The following ZCWPW2 variants were observed in gnomAD, a reference collection of about 807,000 sequenced individuals.
ZCWPW2 encodes the protein zinc finger CW-type PWWP domain protein 2.
ZCWPW2 carries 45 observed loss-of-function variants against 46.6 expected under a neutral mutation model. The observed-to-expected ratio is 0.96, with a 90% CI of 0.76 to 1.24. The LOEUF (loss-of-function observed/expected upper bound fraction) is 1.24, where lower values mean the gene tolerates loss of function less well. Ranked by LOEUF, ZCWPW2 falls within the 50% of genes most tolerant of loss-of-function variation. ZCWPW2 has a pLI of 0.00. For synonymous variants in ZCWPW2, 152 were observed against 137.1 expected, an observed-to-expected ratio of 1.11 and a Z score of -0.76; for missense variants, 429 against 403.9, an observed-to-expected ratio of 1.06 and a Z score of -0.53.
chr3:28,349,476 A>AG (rs1331180095), intron 1 of ZCWPW2, among the ~76,000 whole-genome samples: 1 of 152,152 alleles, frequency 6.6e-6, no homozygotes, highest in Non-Finnish European at 1.5e-5. Context: ...CGAATTGCGT[A>AG]GGGGTCTGTA....
At chr3:28,408,851 C>A (rs563520273) in intron 2 of ZCWPW2, among the ~76,000 whole-genome samples, 14 of 152,228 alleles carry the variant, frequency 9.2e-5, no homozygotes, top group Middle Eastern at 3.4e-3. Flanking sequence ...CTGTCAATAC[C>A]TGCTTTAGAC....
intron 4 of ZCWPW2, among the ~76,000 whole-genome samples, chr3:28,455,184 G>T (rs569375495): frequency 1.2e-4 from 18 of 152,234 alleles, no homozygotes; most frequent in African/African-American, 4.3e-4. Flanking sequence ...ATTCTGACTG[G>T]TGTGAGATGG....
intron 4 of ZCWPW2, among the ~76,000 whole-genome samples, chr3:28,470,232 C>T (rs558629507): frequency 5.0e-4 from 76 of 152,220 alleles, no homozygotes; most frequent in African/African-American, 1.7e-3. Context: ...CAGTGGCTCG[C>T]GCCTGTAATC....
At chr3:28,378,893 A>G (rs1242524469) in intron 1 of ZCWPW2, among the ~76,000 whole-genome samples, 1 of 152,138 alleles carries the variant, frequency 6.6e-6, no homozygotes, top group African/African-American at 2.4e-5. Context: ...ACAATGTGTT[A>G]AGTGGTATGC....
At chr3:28,516,699 G>A (rs760353888) in intron 8 of ZCWPW2, among the ~76,000 whole-genome samples, 1 of 151,988 alleles carries the variant, frequency 6.6e-6, no homozygotes, top group African/African-American at 2.4e-5. Context: ...TAAGTCAGTC[G>A]TTGTAGTCTT....
intron 3 of ZCWPW2, among the ~76,000 whole-genome samples, chr3:28,420,833 G>C (rs1454982053): frequency 6.6e-6 from 1 of 151,384 alleles, no homozygotes. Flanking sequence ...CTTTTTTTCA[G>C]TTCATTTTCT....
chr3:28,407,596 T>A (rs1696218870), intron 2 of ZCWPW2, among the ~76,000 whole-genome samples: 1 of 152,204 alleles, frequency 6.6e-6, no homozygotes, highest in African/African-American at 2.4e-5. Flanking sequence ...TAAAGAGTGG[T>A]AGAGTTGTCT....
intron 8 of ZCWPW2, among the ~76,000 whole-genome samples, chr3:28,520,341 AATTAG>A (rs1369090705): frequency 6.6e-6 from 1 of 152,232 alleles, no homozygotes; most frequent in African/African-American, 2.4e-5. Context: ...TTTAAAATAA[AATTAG>A]ATTAGGCAAT....
At chr3:28,412,387 T>G (rs2125740122) in intron 2 of ZCWPW2, among the ~76,000 whole-genome samples, 1 of 152,114 alleles carries the variant, frequency 6.6e-6, no homozygotes, top group South Asian at 2.1e-4. Flanking sequence ...TTTTTAAAAA[T>G]CTTGCATTTT....
Position 28,348,882 on chromosome 3 carries a change from A to T in ZCWPW2, c.-455A>T. ...GCGAGAGAAGGCCCGTTACCCAGCA[A>T]TACGCGCGCGAGACCCAGGCCCGCC... On this transcript the variant is annotated 5_prime_UTR_variant, in exon 1 of 10. Transcript: ENST00000383768. The T allele has an allele frequency of 2.2e-6, 2 of 911,406 alleles. No homozygotes were observed. Among genetic ancestry groups the T allele is most frequent in the Non-Finnish European group, 2.6e-6 (2 of 762,262 alleles). 56.5% of individuals were successfully genotyped at this position (911,406 alleles called of 1,614,324 possible). A position where few individuals can be genotyped will look rare whatever the true frequency, so the allele number is the denominator to read the frequency against.
chr3:28,421,426 G>A (rs1696781952), intron 3 of ZCWPW2, among the ~76,000 whole-genome samples: 1 of 152,116 alleles, frequency 6.6e-6, no homozygotes, highest in Non-Finnish European at 1.5e-5. Context: ...CTGGCCTTTG[G>A]TATGGGGGTA....
chr3:28,502,785 A>G (rs1267695068), intron 6 of ZCWPW2, among the ~76,000 whole-genome samples: 4 of 152,044 alleles, frequency 2.6e-5, no homozygotes, highest in African/African-American at 9.7e-5. Context: ...AGAAGTGGAG[A>G]GGGGTATAGT....
intron 3 of ZCWPW2, among the ~76,000 whole-genome samples, chr3:28,426,080 G>A (rs1188386710): frequency 1.3e-5 from 2 of 151,790 alleles, no homozygotes; most frequent in East Asian, 3.9e-4. Flanking sequence ...TTGCACTCCT[G>A]CCTGGGCAAC....
chr3:28,384,936 C>G (rs1471601126), intron 1 of ZCWPW2, among the ~76,000 whole-genome samples: 1 of 152,094 alleles, frequency 6.6e-6, no homozygotes, highest in South Asian at 2.1e-4. Flanking sequence ...TCTTTTATGA[C>G]TTTTGTGTTT....
intron 1 of ZCWPW2, among the ~76,000 whole-genome samples, chr3:28,387,826 T>A (rs1190423730): frequency 6.6e-6 from 1 of 152,196 alleles, no homozygotes; most frequent in Non-Finnish European, 1.5e-5. Context: ...AAAAACTTAG[T>A]AACACCCAGA....
At position 28,366,968 on chromosome 3, in the gene ZCWPW2, T is replaced by C. The variant is rs191442788; in HGVS notation, c.-134+17765T>C. Among the ~76,000 whole-genome samples, 34 of 152,340 alleles carry C rather than the reference T, an allele frequency of 2.2e-4. 2 individuals carry two copies. In the East Asian group the frequency reaches 6.4e-3, roughly 29 times the overall value. ...AGTATTCTCTGATGGTAGTTTGTAT[T>C]TCTGTGGGATCAGTGGTTATACCCC... On this transcript the variant is annotated intron_variant, in intron 1 of 9. Transcript: ENST00000383768.
intron 6 of ZCWPW2, among the ~76,000 whole-genome samples, chr3:28,499,011 T>C (rs1575212084): frequency 1.3e-5 from 2 of 152,176 alleles, no homozygotes; most frequent in South Asian, 4.1e-4. Flanking sequence ...TATTCCATGG[T>C]GTATATGTGC....
intron 5 of ZCWPW2, among the ~76,000 whole-genome samples, chr3:28,488,358 T>C (rs1011707044): frequency 1.2e-4 from 19 of 152,164 alleles, no homozygotes; most frequent in Non-Finnish European, 2.1e-4. Flanking sequence ...GAGTTGTTCA[T>C]TTTTCGTTTT....
intron 2 of ZCWPW2, among the ~76,000 whole-genome samples, chr3:28,402,607 A>G (rs1273420910): frequency 6.6e-6 from 1 of 152,198 alleles, no homozygotes; most frequent in Non-Finnish European, 1.5e-5. Flanking sequence ...GCAAAAAAGA[A>G]AACTACAGAC....
Sources: gnomAD v4.1 joint callset for allele counts (sites outside exome capture counted in the v4.1 genomes callset) on GRCh38, gnomAD v4.1.1 for gene constraint, MANE v1.5 for transcripts, NCBI Gene and HGNC (gene_info 2026-07-23, HGNC 2026-07-21) for gene names.